KAT6A: variants seen among roughly 807,000 people sequenced by gnomAD.
KAT6A encodes histone acetyltransferase KAT6A.
Under a neutral mutation model 198.4 loss-of-function variants are expected in KAT6A, and 9 were observed. That is an observed-to-expected ratio of 0.05 (90% CI 0.03 to 0.08). The LOEUF (loss-of-function observed/expected upper bound fraction) is 0.08, where lower values mean the gene tolerates loss of function less well. KAT6A is among the 10% of genes least tolerant of loss of function. The probability of loss-of-function intolerance (pLI) is 1.00; values close to 1 mark genes in which losing one functional copy is unlikely to be tolerated. For missense variants in KAT6A, 2,077 were observed against 2,509.9 expected, an observed-to-expected ratio of 0.83 and a Z score of 3.69; for synonymous variants, 890 against 883.0, an observed-to-expected ratio of 1.01 and a Z score of -0.14.
intron 2 of KAT6A, among the ~76,000 whole-genome samples, chr8:42,020,258 G>A (rs1010001292): frequency 2.6e-5 from 4 of 151,998 alleles, no homozygotes; most frequent in East Asian, 1.9e-4. Context: ...TGTATGGCCC[G>A]CAAAGCCTAA....
At chr8:42,017,460 G>C (rs902300279) in intron 2 of KAT6A, among the ~76,000 whole-genome samples, 1 of 152,126 alleles carries the variant, frequency 6.6e-6, no homozygotes, top group Non-Finnish European at 1.5e-5. Context: ...TAAAGGAAGG[G>C]AGTCATGGCA....
intron 2 of KAT6A, among the ~76,000 whole-genome samples, chr8:42,034,473 T>C (rs563499204): frequency 2.6e-5 from 4 of 152,214 alleles, no homozygotes; most frequent in South Asian, 2.1e-4. Context: ...TTACAACTCA[T>C]ATATACTATA....
intron 8 of KAT6A, among the ~76,000 whole-genome samples, chr8:41,970,959 A>C (rs956592192): frequency 3.3e-5 from 5 of 152,200 alleles, no homozygotes; most frequent in African/African-American, 1.2e-4. Context: ...ATTCTCAGCA[A>C]ATTATTGTAA....
intron 2 of KAT6A, among the ~76,000 whole-genome samples, chr8:42,032,106 T>C (rs1418409046): frequency 6.6e-6 from 1 of 152,152 alleles, no homozygotes; most frequent in Non-Finnish European, 1.5e-5. Context: ...ATTTTCTGTA[T>C]TTTTAGTAGA....
At chr8:41,979,871 C>T (rs1365862860) in intron 5 of KAT6A, among the ~76,000 whole-genome samples, 9 of 152,020 alleles carry the variant, frequency 5.9e-5, no homozygotes, top group African/African-American at 1.7e-4. Context: ...TGTCGTGGTA[C>T]GCCTGTAGTC....
In KAT6A at chr8:41,940,830, G is replaced by C. The variant is rs1171992035; in HGVS notation, c.3039+12C>G. The C allele has an allele frequency of 6.3e-7, 1 of 1,595,912 alleles. No individual in the cohort carries two copies. Among genetic ancestry groups the C allele is most frequent in the South Asian group, 1.1e-5 (1 of 90,320 alleles). On this transcript the variant is annotated intron_variant, in intron 15 of 16. Transcript: ENST00000265713. The stretch of plus-strand genomic sequence containing the variant: ...ATTGGAGGAAGAGAAGACCTGGAAA[G>C]AAATGCGTTACCTTTCGCTTCAGCG...
chr8:42,011,466 G>A (rs1302018941), intron 2 of KAT6A, among the ~76,000 whole-genome samples: 3 of 152,074 alleles, frequency 2.0e-5, no homozygotes, highest in Non-Finnish European at 2.9e-5. Flanking sequence ...GGCCGGGTGC[G>A]GTGACTCACA....
In KAT6A at chr8:42,047,133, T is replaced by C. The variant is rs151037134; in HGVS notation, c.600+1245A>G. On this transcript the variant is annotated intron_variant, in intron 2 of 16. Coordinates refer to ENST00000265713, the MANE Select transcript of KAT6A (RefSeq NM_006766.5). ...GTATCCTCCATCATCTTAAGCAAAA[T>C]GAAGATCATTTTACTTATGTCTACC... Among the ~76,000 whole-genome samples the C allele has an allele frequency of 7.9e-3, 1,196 of 152,258 alleles. 8 individuals carry two copies. The highest frequency in any genetic ancestry group is 0.014 in the Non-Finnish European group (921 of 68,030).
chr8:41,984,551 C>T (rs1010901950), intron 3 of KAT6A, among the ~76,000 whole-genome samples: 2 of 152,162 alleles, frequency 1.3e-5, no homozygotes, highest in Non-Finnish European at 2.9e-5. Context: ...ATAAGCAACT[C>T]CCAAATTCCT....
At chr8:42,050,211 A>C (rs1017496195) in intron 1 of KAT6A, among the ~76,000 whole-genome samples, 1 of 152,226 alleles carries the variant, frequency 6.6e-6, no homozygotes, top group Non-Finnish European at 1.5e-5. Flanking sequence ...ATATAAATTC[A>C]AGATTGCTGT....
At chr8:41,976,495 C>G (rs1473289455) in intron 7 of KAT6A, among the ~76,000 whole-genome samples, 1 of 152,156 alleles carries the variant, frequency 6.6e-6, no homozygotes, top group Non-Finnish European at 1.5e-5. Context: ...TCTGTCTCTC[C>G]CTTTTTAAGT....
chr8:42,012,713 A>G (rs1322284874), intron 2 of KAT6A, among the ~76,000 whole-genome samples: 1 of 152,236 alleles, frequency 6.6e-6, no homozygotes. Context: ...AATTTTTTAC[A>G]GCAGCCACAG....
At chr8:42,051,557 G>A (rs1369333256) in intron 1 of KAT6A, among the ~76,000 whole-genome samples, 7 of 145,176 alleles carry the variant, frequency 4.8e-5, no homozygotes, top group Non-Finnish European at 7.6e-5. Flanking sequence ...GGCCTGGGCC[G>A]CTCGCCGCCC....
chr8:41,949,103 GTACTTTTTCCATTT>G, intron 10 of KAT6A, 105 bp downstream of exon 10: 1 of 573,662 alleles, frequency 1.7e-6, no homozygotes. Flanking sequence ...ATTATAATTA[GTACTTTTTCCATTT>G]TAGTGATACA....
intron 2 of KAT6A, among the ~76,000 whole-genome samples, chr8:41,991,826 T>G (rs1824962041): frequency 6.8e-6 from 1 of 147,748 alleles, no homozygotes; most frequent in African/African-American, 2.5e-5. Context: ...GAGAGGGGAG[T>G]ACAGAAATGG....
intron 10 of KAT6A, 21 bp downstream of exon 10, chr8:41,949,201 A>G: frequency 6.8e-7 from 1 of 1,467,298 alleles, no homozygotes; most frequent in South Asian, 1.5e-5. Flanking sequence ...TGAGAGGACA[A>G]TTACTAAGTA....
At chr8:41,986,468 C>T (rs1318535485) in intron 3 of KAT6A, among the ~76,000 whole-genome samples, 17 of 152,006 alleles carry the variant, frequency 1.1e-4, no homozygotes, top group Admixed American at 7.9e-4. Flanking sequence ...GACGAAGTAG[C>T]GATTATTAAA....
intron 15 of KAT6A, among the ~76,000 whole-genome samples, chr8:41,939,866 G>A (rs968447375): frequency 6.6e-6 from 1 of 151,944 alleles, no homozygotes; most frequent in Non-Finnish European, 1.5e-5. Context: ...AGTTACTGAT[G>A]TATCTACACT....
At chr8:41,989,502 T>A (rs1387832220) in intron 2 of KAT6A, among the ~76,000 whole-genome samples, 3 of 150,780 alleles carry the variant, frequency 2.0e-5, no homozygotes, top group African/African-American at 7.3e-5. Context: ...AGAGCAAGAG[T>A]CCATCTCGGA....
Sources: gnomAD v4.1 joint callset for allele counts (sites outside exome capture counted in the v4.1 genomes callset) on GRCh38, gnomAD v4.1.1 for gene constraint, MANE v1.5 for transcripts, NCBI Gene and HGNC (gene_info 2026-07-23, HGNC 2026-07-21) for gene names.